TMEM132C: variants seen among roughly 807,000 people sequenced by gnomAD.
TMEM132C encodes the protein protein phosphatase 1, regulatory subunit 152.
TMEM132C carries 29 observed loss-of-function variants against 61.4 expected under a neutral mutation model. That is an observed-to-expected ratio of 0.47 (90% CI 0.35 to 0.64). The LOEUF (loss-of-function observed/expected upper bound fraction) is 0.64. Ranked by LOEUF, TMEM132C falls within the 30% of genes least tolerant of loss-of-function variation. The pLI, the probability that TMEM132C is intolerant of heterozygous loss-of-function variation, is 0.00. For missense variants in TMEM132C, 1,408 were observed against 1,476.9 expected (o/e 0.95, Z 0.76); for synonymous variants, 656 against 633.1 (o/e 1.04, Z -0.54).
chr12:128,602,607 G>T (rs1287621618), intron 3 of TMEM132C, among the ~76,000 whole-genome samples: 1 of 152,168 alleles, frequency 6.6e-6, no homozygotes, highest in East Asian at 1.9e-4. Flanking sequence ...GTTTCTACCT[G>T]GTCTCCAAGT....
chr12:128,392,885 G>A (rs181941095), intron 1 of TMEM132C, among the ~76,000 whole-genome samples: 399 of 152,124 alleles, frequency 2.6e-3, no homozygotes, highest in Non-Finnish European at 3.6e-3. Context: ...GGCCACCTGC[G>A]GCCTGCAGGC....
intron 4 of TMEM132C, among the ~76,000 whole-genome samples, chr12:128,622,401 A>ATATATATATAT (rs1565994613): frequency 6.8e-5 from 9 of 131,688 alleles, no homozygotes; most frequent in South Asian, 5.2e-4. Context: ...ATATATATAT[A>ATATATATATAT]ACCAGGAAAC....
chr12:128,590,832 A>G (rs10847653), intron 3 of TMEM132C, among the ~76,000 whole-genome samples: 93,573 of 152,078 alleles, frequency 0.62, 32,384 homozygotes, highest in South Asian at 0.82. Context: ...GCTGGAGTAC[A>G]GTGGCACCAT....
intron 3 of TMEM132C, among the ~76,000 whole-genome samples, chr12:128,560,278 T>A (rs920520847): frequency 6.6e-6 from 1 of 152,170 alleles, no homozygotes; most frequent in African/African-American, 2.4e-5. Flanking sequence ...GTTGGCTCAA[T>A]CTTTGCATTT....
chr12:128,539,515 G>A (rs374707195), intron 2 of TMEM132C, among the ~76,000 whole-genome samples: 4 of 152,182 alleles, frequency 2.6e-5, no homozygotes, highest in African/African-American at 9.7e-5. Context: ...CTACCCGGGA[G>A]GCTGAGGCAG....
chr12:128,465,123 A>C (rs111701373), intron 2 of TMEM132C, among the ~76,000 whole-genome samples: 2 of 152,124 alleles, frequency 1.3e-5, no homozygotes, highest in East Asian at 3.9e-4. Flanking sequence ...CTTCTGTCCA[A>C]ATGTCTCCTT....
intron 3 of TMEM132C, among the ~76,000 whole-genome samples, chr12:128,549,361 G>A (rs1436702060): frequency 6.6e-6 from 1 of 152,110 alleles, no homozygotes; most frequent in African/African-American, 2.4e-5. Context: ...CATACGGGGT[G>A]GGTGAGTGGA....
intron 2 of TMEM132C, among the ~76,000 whole-genome samples, chr12:128,502,213 C>T (rs568107663): frequency 6.6e-6 from 1 of 152,310 alleles, no homozygotes; most frequent in Admixed American, 6.5e-5. Context: ...AGAGGCTGCC[C>T]TGCTCCCGAG....
intron 2 of TMEM132C, among the ~76,000 whole-genome samples, chr12:128,460,286 C>G (rs891560974): frequency 6.6e-6 from 1 of 152,270 alleles, no homozygotes; most frequent in Admixed American, 6.5e-5. Flanking sequence ...ACCAGGACTG[C>G]CTTTAGACCC....
chr12:128,293,059 T>C (rs1175415390), intron 1 of TMEM132C, among the ~76,000 whole-genome samples: 1 of 151,990 alleles, frequency 6.6e-6, no homozygotes, highest in Non-Finnish European at 1.5e-5. Flanking sequence ...GACAGCAAGA[T>C]AATAGTTCAG....
chr12:128,268,442 G>A (rs1312743129), intron 1 of TMEM132C, among the ~76,000 whole-genome samples: 1 of 152,156 alleles, frequency 6.6e-6, no homozygotes, highest in Non-Finnish European at 1.5e-5. Context: ...GGCTCTGCCA[G>A]GGCAGCAGCT....
intron 3 of TMEM132C, among the ~76,000 whole-genome samples, chr12:128,586,391 A>T (rs1875550641): frequency 6.6e-6 from 1 of 150,666 alleles, no homozygotes; most frequent in Non-Finnish European, 1.5e-5. Context: ...TTTTATAAAT[A>T]TATAATATAT....
chr12:128,596,640 C>T (rs576517119), intron 3 of TMEM132C, among the ~76,000 whole-genome samples: 120 of 150,308 alleles, frequency 8.0e-4, no homozygotes, highest in African/African-American at 2.8e-3. Context: ...TCACACTGGG[C>T]TGCCCCTTTC....
chr12:128,695,373 A>G (rs1389761713), intron 6 of TMEM132C, among the ~76,000 whole-genome samples: 2 of 148,472 alleles, frequency 1.3e-5, no homozygotes, highest in African/African-American at 4.9e-5. Flanking sequence ...TTTTTTTTTT[A>G]CTTAGCCAAG....
At chr12:128,343,601 T>C (rs1269811837) in intron 1 of TMEM132C, among the ~76,000 whole-genome samples, 1 of 152,220 alleles carries the variant, frequency 6.6e-6, no homozygotes, top group Non-Finnish European at 1.5e-5. Flanking sequence ...ATAAGTTTTA[T>C]TGAGACATAA....
rs79219974 is a variant in TMEM132C, at chr12:128,566,882, T to A, written c.1121+22779T>A. ...TAAAATAGTGATGACATTAATAGCA[T>A]CCACCACCTACAGTTACTTTGAAAA... On this transcript the variant is annotated intron_variant, in intron 3 of 8. Coordinates refer to ENST00000435159, the MANE Select transcript of TMEM132C (RefSeq NM_001136103.3). 8.1e-4 allele frequency among the ~76,000 whole-genome samples: 123 copies of A among 152,324 alleles called. 2 individuals carry two copies. In the East Asian group the frequency reaches 0.023, roughly 28 times the overall value.
intron 1 of TMEM132C, among the ~76,000 whole-genome samples, chr12:128,330,704 C>T (rs576520202): frequency 6.6e-6 from 1 of 152,236 alleles, no homozygotes; most frequent in South Asian, 2.1e-4. Flanking sequence ...TTCTGGAATG[C>T]CTGTCATCAC....
chr12:128,509,792 G>A (rs955661433), intron 2 of TMEM132C, among the ~76,000 whole-genome samples: 2 of 152,238 alleles, frequency 1.3e-5, no homozygotes, highest in East Asian at 1.9e-4. Flanking sequence ...GGAGGATTTG[G>A]TAATACTCAT....
At chr12:128,601,353 T>C (rs977827641) in intron 3 of TMEM132C, among the ~76,000 whole-genome samples, 2 of 152,248 alleles carry the variant, frequency 1.3e-5, no homozygotes, top group African/African-American at 4.8e-5. Context: ...CCAGTCATTC[T>C]TCACTCCGCA....
Sources: allele counts gnomAD v4.1 joint callset (sites outside exome capture counted in the v4.1 genomes callset), GRCh38; gene constraint gnomAD v4.1.1; transcripts MANE v1.5; gene names NCBI Gene and HGNC (gene_info 2026-07-23, HGNC 2026-07-21).